Variants in GUCY1A2 observed in about 807,000 individuals in gnomAD.
GUCY1A2 encodes the protein guanylate cyclase 1 soluble subunit alpha 2.
A neutral mutation model predicts 63.5 loss-of-function variants in GUCY1A2; 27 were observed. The ratio of observed to expected loss-of-function variants is 0.43; its 90% CI spans 0.31 to 0.59. The LOEUF (loss-of-function observed/expected upper bound fraction) is 0.59, where lower values mean the gene tolerates loss of function less well. Ranked by LOEUF, GUCY1A2 falls within the 20% of genes least tolerant of loss-of-function variation. The pLI, the probability that GUCY1A2 is intolerant of heterozygous loss-of-function variation, is 0.11. For missense variants in GUCY1A2, 768 were observed against 913.3 expected (o/e 0.84, Z 2.05); for synonymous variants, 364 against 343.5 (o/e 1.06, Z -0.66).
chr11:106,840,853 G>T (rs747900678), intron 4 of GUCY1A2, among the ~76,000 whole-genome samples: 7 of 151,658 alleles, frequency 4.6e-5, no homozygotes, highest in Non-Finnish European at 4.4e-5. Flanking sequence ...AATAAACTTC[G>T]GAAAAAATTT....
Position 106,676,118 on chromosome 11 carries a change from A to G in GUCY1A2, c.*11431T>C, listed in dbSNP as rs561182864. ...AGTGGTTTGAATATAATCTTAATACATAAAAATAAAAAACCAGAAAGAATA... is the reference window on the plus strand; with the variant it reads ...AGTGGTTTGAATATAATCTTAATACGTAAAAATAAAAAACCAGAAAGAATA... On this transcript the variant is annotated 3_prime_UTR_variant, in exon 8 of 8. Coordinates refer to ENST00000526355, the MANE Select transcript of GUCY1A2 (RefSeq NM_000855.3). The G allele has an allele frequency of 1.1e-5, 2 of 181,308 alleles. No individual in the cohort carries two copies. The highest frequency in any genetic ancestry group is 3.9e-4 in the South Asian group (2 of 5,068). The allele number at this position is 181,308 out of a possible 1,614,324, so 11.2% of individuals were successfully genotyped here.
chr11:106,836,230 T>C (rs1859115476), intron 4 of GUCY1A2, among the ~76,000 whole-genome samples: 3 of 151,970 alleles, frequency 2.0e-5, no homozygotes, highest in Admixed American at 2.0e-4. Context: ...TAACTACTAA[T>C]AGCCTACTGC....
chr11:106,730,335 C>T (rs1591251551), intron 6 of GUCY1A2, among the ~76,000 whole-genome samples: 1 of 151,620 alleles, frequency 6.6e-6, no homozygotes, highest in East Asian at 1.9e-4. Context: ...TGATGTTTAG[C>T]TCACACTTAA....
In GUCY1A2 at chr11:107,016,779, G is replaced by T. The variant is rs150809957; in HGVS notation, c.303+974C>A. On this transcript the variant is annotated intron_variant, in intron 1 of 7. Coordinates refer to ENST00000526355, the MANE Select transcript of GUCY1A2 (RefSeq NM_000855.3). The stretch of plus-strand genomic sequence containing the variant: ...GAGAATCCATTGAGGAGAGAGTAAA[G>T]GATGAGGTACAGGTGCAAGAAGTAC... 4.1e-3 allele frequency among the ~76,000 whole-genome samples: 630 copies of T among 152,108 alleles called. 2 individuals carry two copies. Among genetic ancestry groups the T allele is most frequent in the Middle Eastern group, 0.01 (3 of 294 alleles).
chr11:106,945,880 G>A (rs562155007), intron 3 of GUCY1A2, among the ~76,000 whole-genome samples: 3 of 152,250 alleles, frequency 2.0e-5, no homozygotes, highest in South Asian at 4.1e-4. Flanking sequence ...CAGGAGAATC[G>A]CTTGAACCTG....
chr11:106,755,609 G>A (rs1863959286), intron 6 of GUCY1A2, among the ~76,000 whole-genome samples: 2 of 152,186 alleles, frequency 1.3e-5, no homozygotes, highest in African/African-American at 4.8e-5. Flanking sequence ...TATGTACCCA[G>A]TAGTCATTCA....
At position 107,018,244 on chromosome 11, in the gene GUCY1A2, A is replaced by ACTTGGGGCGCCGCCGCAC. The variant is rs1861857126; in HGVS notation, c.-207_-190dup. ...CCCGAGCCGGCTGCTCATGGCGGGA[A>ACTTGGGGCGCCGCCGCAC]CTTGGGGCGCCGCCGCACCTTGGGG... On this transcript the variant is annotated 5_prime_UTR_variant, in exon 1 of 8. Transcript: ENST00000526355. 6.2e-6 allele frequency: 1 copy of ACTTGGGGCGCCGCCGCAC among 160,306 alleles called. No homozygotes were observed. The highest frequency in any genetic ancestry group is 1.3e-5 in the Non-Finnish European group (1 of 77,084). 9.9% of individuals were successfully genotyped at this position (160,306 alleles called of 1,614,324 possible). A position where few individuals can be genotyped will look rare whatever the true frequency, so the allele number is the denominator to read the frequency against.
chr11:106,874,665 CA>C (rs1859725639), intron 4 of GUCY1A2, among the ~76,000 whole-genome samples: 1 of 151,504 alleles, frequency 6.6e-6, no homozygotes, highest in African/African-American at 2.4e-5. Context: ...CTCAGCAAAC[CA>C]GAAAAAAGAA....
At position 106,835,625 on chromosome 11, in the gene GUCY1A2, C is replaced by T. The variant is rs556065719; in HGVS notation, c.1207-25147G>A. Among the ~76,000 whole-genome samples, 67 of 151,490 alleles carry T rather than the reference C, an allele frequency of 4.4e-4. 1 individual carries two copies. In the South Asian group the frequency reaches 0.013, roughly 29 times the overall value. On this transcript the variant is annotated intron_variant, in intron 4 of 7. Transcript: ENST00000526355. Reference sequence around the variant, plus strand: ...AAATAAAACAAAATCCAGAATTAGACGCTTAGTCATGAATCCACAGATAGC... The same window carrying T: ...AAATAAAACAAAATCCAGAATTAGATGCTTAGTCATGAATCCACAGATAGC...
chr11:106,899,723 G>A (rs938833037), intron 4 of GUCY1A2, among the ~76,000 whole-genome samples: 3 of 152,112 alleles, frequency 2.0e-5, no homozygotes, highest in African/African-American at 7.2e-5. Context: ...AGAATCCTAT[G>A]CCAAATTTTG....
intron 1 of GUCY1A2, among the ~76,000 whole-genome samples, chr11:107,003,251 C>T (rs907454704): frequency 6.6e-6 from 1 of 152,086 alleles, no homozygotes; most frequent in Admixed American, 6.6e-5. Context: ...GGATTGGCAT[C>T]GCTTTTCTAA....
chr11:106,866,505 G>A (rs1859596164), intron 4 of GUCY1A2, among the ~76,000 whole-genome samples: 2 of 152,056 alleles, frequency 1.3e-5, no homozygotes, highest in South Asian at 4.1e-4. Flanking sequence ...CTGTGCTCAG[G>A]CAGATGCAAG....
chr11:106,949,573 G>A (rs1490456340), intron 3 of GUCY1A2, among the ~76,000 whole-genome samples: 2 of 152,122 alleles, frequency 1.3e-5, no homozygotes, highest in African/African-American at 2.4e-5. Context: ...CTGAGACCGA[G>A]ATAGATGTCT....
intron 4 of GUCY1A2, among the ~76,000 whole-genome samples, chr11:106,884,147 G>C (rs557573815): frequency 6.6e-6 from 1 of 151,912 alleles, no homozygotes; most frequent in Non-Finnish European, 1.5e-5. Flanking sequence ...AGACCTGCAC[G>C]TTCTGCACAT....
intron 4 of GUCY1A2, among the ~76,000 whole-genome samples, chr11:106,829,841 T>C (rs1038915417): frequency 1.3e-5 from 2 of 152,106 alleles, no homozygotes; most frequent in Non-Finnish European, 2.9e-5. Flanking sequence ...TTAAGGTCAA[T>C]GGGAAACTAG....
chr11:106,787,541 A>G, intron 5 of GUCY1A2, among the ~76,000 whole-genome samples: 1 of 133,422 alleles, frequency 7.5e-6, no homozygotes, highest in African/African-American at 2.8e-5. Flanking sequence ...AGAGAAAGAG[A>G]GAAAGATAGA....
At chr11:106,751,854 G>A (rs538421829) in intron 6 of GUCY1A2, among the ~76,000 whole-genome samples, 87 of 152,056 alleles carry the variant, frequency 5.7e-4, no homozygotes, top group Non-Finnish European at 9.3e-4. Context: ...ATTAACAAAC[G>A]TATATCAGGA....
intron 1 of GUCY1A2, among the ~76,000 whole-genome samples, chr11:107,007,486 C>G (rs1205410872): frequency 6.6e-6 from 1 of 152,212 alleles, no homozygotes; most frequent in Non-Finnish European, 1.5e-5. Context: ...TGTCCCCAAA[C>G]ACCTCAAGCT....
intron 3 of GUCY1A2, among the ~76,000 whole-genome samples, chr11:106,955,929 A>G (rs1860978438): frequency 6.6e-6 from 1 of 151,870 alleles, no homozygotes. Flanking sequence ...TCCTTCTGGT[A>G]CTCCAATCAA....
Sources: gnomAD v4.1 joint callset for allele counts (sites outside exome capture counted in the v4.1 genomes callset) on GRCh38, gnomAD v4.1.1 for gene constraint, MANE v1.5 for transcripts, NCBI Gene and HGNC (gene_info 2026-07-23, HGNC 2026-07-21) for gene names.